Variants in CDH18 observed in about 807,000 individuals in gnomAD.
The protein encoded by CDH18 is cadherin 18, also known as cadherin-18.
In CDH18, 31 loss-of-function variants were observed where a neutral mutation model predicts 67.9. The ratio of observed to expected loss-of-function variants is 0.46; its 90% CI spans 0.34 to 0.62. The LOEUF is 0.62. Among genes scored for constraint, CDH18 ranks in the 20% least tolerant of loss-of-function variants. CDH18 has a pLI of 0.01. For missense variants in CDH18, 890 were observed against 975.5 expected, an observed-to-expected ratio of 0.91 and a Z score of 1.17; for synonymous variants, 362 against 347.2, an observed-to-expected ratio of 1.04 and a Z score of -0.48.
chr5:20,467,807 T>C (rs1230378580), intron 1 of CDH18, among the ~76,000 whole-genome samples: 1 of 152,150 alleles, frequency 6.6e-6, no homozygotes, highest in East Asian at 1.9e-4. Context: ...TTTACTGAAA[T>C]AGAAATAGTA....
intron 1 of CDH18, among the ~76,000 whole-genome samples, chr5:20,389,529 T>TG (rs1327959311): frequency 1.3e-5 from 2 of 152,258 alleles, no homozygotes; most frequent in African/African-American, 4.8e-5. Flanking sequence ...TGTCTTTAAT[T>TG]GGAGCATTTA....
chr5:19,643,587 G>A (rs1255221065), intron 5 of CDH18, among the ~76,000 whole-genome samples: 3 of 152,110 alleles, frequency 2.0e-5, no homozygotes, highest in Admixed American at 6.6e-5. Flanking sequence ...AGAAAGACAA[G>A]TACTGCATAA....
intron 1 of CDH18, among the ~76,000 whole-genome samples, chr5:20,505,272 G>T (rs1754590933): frequency 6.6e-6 from 1 of 152,104 alleles, no homozygotes; most frequent in Non-Finnish European, 1.5e-5. Context: ...GTGCTCTCTA[G>T]GACAAATTGG....
At chr5:20,187,488 C>G (rs1738191142) in intron 2 of CDH18, among the ~76,000 whole-genome samples, 1 of 151,692 alleles carries the variant, frequency 6.6e-6, no homozygotes, top group Non-Finnish European at 1.5e-5. Context: ...CTAAATGTAC[C>G]TGGGCTCCAA....
At chr5:19,557,355 T>C (rs542900965) in intron 8 of CDH18, among the ~76,000 whole-genome samples, 9 of 152,064 alleles carry the variant, frequency 5.9e-5, no homozygotes, top group African/African-American at 1.9e-4. Context: ...GCAGAGTGCA[T>C]AAAAACTCAC....
chr5:20,382,684 C>A (rs1285335098), intron 1 of CDH18, among the ~76,000 whole-genome samples: 1 of 152,046 alleles, frequency 6.6e-6, no homozygotes, highest in Non-Finnish European at 1.5e-5. Flanking sequence ...GTGACAGAAG[C>A]AATAAACGTG....
At chr5:19,919,279 T>G (rs1328156382) in intron 2 of CDH18, among the ~76,000 whole-genome samples, 1 of 152,152 alleles carries the variant, frequency 6.6e-6, no homozygotes, top group East Asian at 1.9e-4. Context: ...TAATCCTTAT[T>G]ATATGTATAA....
intron 7 of CDH18, among the ~76,000 whole-genome samples, chr5:19,580,620 C>G (rs1743089151): frequency 6.6e-6 from 1 of 151,736 alleles, no homozygotes; most frequent in Non-Finnish European, 1.5e-5. Flanking sequence ...CGACCTATGC[C>G]CTAAACAATT....
At chr5:20,198,009 C>A (rs955348187) in intron 2 of CDH18, among the ~76,000 whole-genome samples, 11 of 152,148 alleles carry the variant, frequency 7.2e-5, no homozygotes, top group African/African-American at 2.4e-4. Context: ...CTTAAGTGGG[C>A]ACTCATTCCC....
chr5:19,994,855 T>TATATATATATATATATAGAG (rs760777430), intron 2 of CDH18, among the ~76,000 whole-genome samples: 1 of 67,586 alleles, frequency 1.5e-5, no homozygotes, highest in Non-Finnish European at 2.5e-5. Flanking sequence ...TATATATATA[T>TATATATATATATATATAGAG]AGAGAGAGAG....
intron 1 of CDH18, among the ~76,000 whole-genome samples, chr5:20,349,322 G>C (rs1008563872): frequency 6.6e-6 from 1 of 152,072 alleles, no homozygotes; most frequent in Non-Finnish European, 1.5e-5. Flanking sequence ...TCGAATTTTA[G>C]TATGATGTGA....
chr5:20,459,842 T>G (rs1427501789), intron 1 of CDH18, among the ~76,000 whole-genome samples: 1 of 152,176 alleles, frequency 6.6e-6, no homozygotes, highest in Non-Finnish European at 1.5e-5. Context: ...TAATTCAGCT[T>G]TAACAAATTT....
chr5:19,766,892 T>A (rs1773159496), intron 3 of CDH18, among the ~76,000 whole-genome samples: 1 of 152,172 alleles, frequency 6.6e-6, no homozygotes, highest in Non-Finnish European at 1.5e-5. Flanking sequence ...AATACTTCCC[T>A]ATTATACTAT....
At chr5:20,569,140 C>G (rs548635300) in intron 1 of CDH18, among the ~76,000 whole-genome samples, 1 of 152,124 alleles carries the variant, frequency 6.6e-6, no homozygotes, top group Non-Finnish European at 1.5e-5. Flanking sequence ...GGGATGGCTA[C>G]GAGTCGTGTA....
intron 11 of CDH18, among the ~76,000 whole-genome samples, chr5:19,497,711 C>T (rs1367243864): frequency 6.6e-6 from 1 of 152,142 alleles, no homozygotes; most frequent in Non-Finnish European, 1.5e-5. Flanking sequence ...AGGAAATTAG[C>T]TACCTTATGT....
chr5:20,287,513 CAAATT>C (rs919451010), intron 1 of CDH18, among the ~76,000 whole-genome samples: 3 of 151,708 alleles, frequency 2.0e-5, no homozygotes, highest in African/African-American at 7.2e-5. Flanking sequence ...AATATCTTCT[CAAATT>C]AAGCATTACA....
intron 5 of CDH18, among the ~76,000 whole-genome samples, chr5:19,652,958 G>C (rs369494166): frequency 3.9e-5 from 6 of 152,128 alleles, no homozygotes; most frequent in East Asian, 1.9e-4. Flanking sequence ...AGGTTTAGCT[G>C]GTTTACTGAA....
chr5:20,196,657 A>G (rs963784551), intron 2 of CDH18, among the ~76,000 whole-genome samples: 3 of 152,330 alleles, frequency 2.0e-5, no homozygotes, highest in Admixed American at 2.0e-4. Context: ...CACATATGAA[A>G]TAGAATTTGA....
chr5:19,826,564 G>A (rs1228828873), intron 3 of CDH18, among the ~76,000 whole-genome samples: 2 of 152,054 alleles, frequency 1.3e-5, no homozygotes, highest in Non-Finnish European at 2.9e-5. Context: ...AGTGACTAGG[G>A]GACTATATTT....
Sources: allele counts gnomAD v4.1 joint callset (sites outside exome capture counted in the v4.1 genomes callset), GRCh38; gene constraint gnomAD v4.1.1; transcripts MANE v1.5; gene names NCBI Gene and HGNC (gene_info 2026-07-23, HGNC 2026-07-21).